Variants in RANBP17 observed in about 807,000 individuals in gnomAD.
The protein encoded by RANBP17 is RAN binding protein 17.
A neutral mutation model predicts 141.2 loss-of-function variants in RANBP17; 158 were observed. The ratio of observed to expected loss-of-function variants is 1.12; its 90% CI spans 0.98 to 1.28. The LOEUF is 1.28. RANBP17 is among the 50% of genes most tolerant of loss of function. RANBP17 has a pLI of 0.00. For synonymous variants in RANBP17, 430 were observed against 450.0 expected, an observed-to-expected ratio of 0.96 and a Z score of 0.56; for missense variants, 1,438 against 1,290.7, an observed-to-expected ratio of 1.11 and a Z score of -1.75.
At chr5:171,227,763 A>C (rs1763965423) in intron 22 of RANBP17, among the ~76,000 whole-genome samples, 1 of 152,196 alleles carries the variant, frequency 6.6e-6, no homozygotes, top group Admixed American at 6.5e-5. Flanking sequence ...GGTGACTTGA[A>C]GTTGAAGCCA....
At chr5:170,916,996 A>T (rs1248501920) in intron 9 of RANBP17, among the ~76,000 whole-genome samples, 2 of 152,166 alleles carry the variant, frequency 1.3e-5, no homozygotes, top group African/African-American at 4.8e-5. Context: ...GATTACAGGC[A>T]TGAGCCACCA....
intron 14 of RANBP17, among the ~76,000 whole-genome samples, chr5:171,081,557 G>A (rs1785259767): frequency 6.6e-6 from 1 of 151,970 alleles, no homozygotes; most frequent in African/African-American, 2.4e-5. Flanking sequence ...TGTTTAATTT[G>A]TACATATCAT....
chr5:170,981,181 A>G (rs574133191), intron 14 of RANBP17, among the ~76,000 whole-genome samples: 35 of 152,358 alleles, frequency 2.3e-4, no homozygotes, highest in African/African-American at 7.9e-4. Context: ...TGTGTAGGAA[A>G]TAACTAACTT....
At chr5:170,911,640 T>A (rs1217345840) in intron 7 of RANBP17, among the ~76,000 whole-genome samples, 2 of 151,400 alleles carry the variant, frequency 1.3e-5, no homozygotes, top group Non-Finnish European at 3.0e-5. Flanking sequence ...AGCTTGGAGA[T>A]CAAGTAAGAA....
At chr5:170,897,715 C>T (rs1770257033) in intron 5 of RANBP17, among the ~76,000 whole-genome samples, 1 of 152,110 alleles carries the variant, frequency 6.6e-6, no homozygotes, top group Non-Finnish European at 1.5e-5. Context: ...CAGCTTCATC[C>T]ATGTCCCTGT....
chr5:171,120,791 G>T (rs577140432), intron 14 of RANBP17, among the ~76,000 whole-genome samples: 2 of 152,058 alleles, frequency 1.3e-5, no homozygotes, highest in African/African-American at 4.8e-5. Flanking sequence ...TTCATGTTTG[G>T]TGTGTCCCTA....
At chr5:170,992,129 TC>T (rs1336254361) in intron 14 of RANBP17, among the ~76,000 whole-genome samples, 1 of 151,986 alleles carries the variant, frequency 6.6e-6, no homozygotes, top group African/African-American at 2.4e-5. Flanking sequence ...TGTAATGAGT[TC>T]AAAAGCTCTG....
intron 21 of RANBP17, 68 bp downstream of exon 21, chr5:171,213,806 T>G (rs1027290220): frequency 8.2e-7 from 1 of 1,225,032 alleles, no homozygotes; most frequent in African/African-American, 1.5e-5. Flanking sequence ...AGTCAGACTT[T>G]CTTTTTTGGT....
intron 14 of RANBP17, among the ~76,000 whole-genome samples, chr5:171,078,755 T>C (rs1785089138): frequency 6.6e-6 from 1 of 152,222 alleles, no homozygotes; most frequent in Non-Finnish European, 1.5e-5. Flanking sequence ...TTAAGCCCAC[T>C]GTTGAGACCT....
intron 18 of RANBP17, among the ~76,000 whole-genome samples, chr5:171,197,140 T>C (rs1013612028): frequency 6.6e-5 from 10 of 152,198 alleles, no homozygotes; most frequent in African/African-American, 2.4e-4. Flanking sequence ...TTTGATAATG[T>C]ATATTTCAAT....
intron 24 of RANBP17, among the ~76,000 whole-genome samples, chr5:171,248,315 C>T (rs550907097): frequency 3.7e-4 from 55 of 149,434 alleles, no homozygotes; most frequent in East Asian, 1.6e-3. Context: ...TGCAGTGAGC[C>T]GAGATCATGC....
intron 13 of RANBP17, among the ~76,000 whole-genome samples, chr5:170,959,484 C>T (rs778367914): frequency 6.6e-6 from 1 of 152,134 alleles, no homozygotes; most frequent in Non-Finnish European, 1.5e-5. Flanking sequence ...GGCCTTTGCA[C>T]TTCTCTTTCT....
At chr5:171,280,736 C>T (rs1767806127) in intron 25 of RANBP17, among the ~76,000 whole-genome samples, 1 of 152,198 alleles carries the variant, frequency 6.6e-6, no homozygotes, top group Non-Finnish European at 1.5e-5. Context: ...TTAATGCTGC[C>T]TCTTATGCTT....
chr5:171,251,754 C>T (rs923356962), intron 24 of RANBP17: 1 of 860,014 alleles, frequency 1.2e-6, no homozygotes, highest in South Asian at 1.4e-5. Flanking sequence ...TGGCCCCGTT[C>T]CCCTCCTCCC....
intron 7 of RANBP17, among the ~76,000 whole-genome samples, chr5:170,913,887 T>C (rs1771733701): frequency 6.6e-6 from 1 of 152,126 alleles, no homozygotes; most frequent in Admixed American, 6.6e-5. Flanking sequence ...TCAATGTTTA[T>C]ATTACTTGAA....
chr5:171,214,938 T>C (rs1031587700), intron 21 of RANBP17, among the ~76,000 whole-genome samples: 1 of 152,156 alleles, frequency 6.6e-6, no homozygotes, highest in Non-Finnish European at 1.5e-5. Flanking sequence ...ACATGCAGGT[T>C]TGTTACATAG....
At chr5:170,889,591 A>G (rs747414351) in intron 3 of RANBP17, among the ~76,000 whole-genome samples, 19 of 152,206 alleles carry the variant, frequency 1.2e-4, no homozygotes, top group African/African-American at 4.1e-4. Context: ...TCACATTGCT[A>G]TGAGAGCCAC....
At chr5:171,115,148 A>G (rs961562353) in intron 14 of RANBP17, among the ~76,000 whole-genome samples, 2 of 152,148 alleles carry the variant, frequency 1.3e-5, no homozygotes, top group Non-Finnish European at 2.9e-5. Context: ...ATAAAAAAAG[A>G]AAACAAATGA....
chr5:171,262,305 G>A (rs1157011636), intron 24 of RANBP17, among the ~76,000 whole-genome samples: 1 of 152,122 alleles, frequency 6.6e-6, no homozygotes, highest in Non-Finnish European at 1.5e-5. Context: ...AAGCAACCAG[G>A]CTCAACAAGT....
Sources: gnomAD v4.1 joint callset for allele counts (sites outside exome capture counted in the v4.1 genomes callset) on GRCh38, gnomAD v4.1.1 for gene constraint, MANE v1.5 for transcripts, NCBI Gene and HGNC (gene_info 2026-07-23, HGNC 2026-07-21) for gene names.